ZNF335: variants seen among roughly 807,000 people sequenced by gnomAD.
ZNF335 encodes the protein zinc finger protein 335.
ZNF335 carries 84 observed loss-of-function variants against 145.6 expected under a neutral mutation model. That is an observed-to-expected ratio of 0.58 (90% CI 0.48 to 0.69). The LOEUF (loss-of-function observed/expected upper bound fraction) is 0.69, where lower values mean the gene tolerates loss of function less well. Among genes scored for constraint, ZNF335 ranks in the 30% least tolerant of loss-of-function variants. The pLI, the probability that ZNF335 is intolerant of heterozygous loss-of-function variation, is 0.00. For missense variants in ZNF335, 1,865 were observed against 1,809.7 expected, an observed-to-expected ratio of 1.03 and a Z score of -0.55; for synonymous variants, 761 against 717.0, an observed-to-expected ratio of 1.06 and a Z score of -0.98.
rs777457510 is a variant in ZNF335 at position 45,949,877 on chromosome 20, C to T, written c.3592G>A (p.Glu1198Lys). Residue 1198 changes from glutamate (E) to lysine (K), a missense_variant and splice_region_variant, in exon 24 of 28, where the codon GAG (glutamate) becomes AAG (lysine). Coordinates refer to ENST00000322927, the MANE Select transcript of ZNF335 (RefSeq NM_022095.4). ...ATCTCTTGGATGTAGGCGGCTTCCT[C>T]CTGCCAGGACCAAGACAGCTCTAGC... ...VAQEQTVTNQEEAAYIQEITT... is the reference protein window; with the variant it reads ...VAQEQTVTNQKEAAYIQEITT... 4.3e-6 allele frequency: 7 copies of T among 1,614,038 alleles called. No homozygotes were observed. Among genetic ancestry groups the T allele is most frequent in the Non-Finnish European group, 5.9e-6 (7 of 1,180,028 alleles).
At position 45,968,072 on chromosome 20, in the gene ZNF335, G is replaced by C. The variant is rs775040487; in HGVS notation, c.521-45C>G. On this transcript the variant is annotated intron_variant, in intron 4 of 27. Transcript: ENST00000322927. ...TTGGAGGGTGGTTAAATGGAGGGCA[G>C]CACTGGCCATGAGCTATAGCTACCC... The C allele has an allele frequency of 1.9e-6, 3 of 1,609,004 alleles. No individual in the cohort carries two copies. The South Asian group carries it at 3.3e-5, about 18-fold the overall frequency.
rs767541814 is a variant in ZNF335, at chr20:45,949,976, ACTGT to A, written c.3577_3580del (p.Thr1193Ter). 15 of 1,614,086 alleles carry A rather than the reference ACTGT, an allele frequency of 9.3e-6. No homozygotes were observed. Among genetic ancestry groups the A allele is most frequent in the Admixed American group, 3.3e-5 (2 of 60,020 alleles). ...AGTCCTGACTCTTACCTGATTGGTCACTGTCTGTTCCTGGGCAACGATGATGTGT... is the reference window on the plus strand; with the variant it reads ...AGTCCTGACTCTTACCTGATTGGTCACTGTTCCTGGGCAACGATGATGTGT... On this transcript the variant is annotated frameshift_variant, in exon 23 of 28. Coordinates refer to ENST00000322927, the MANE Select transcript of ZNF335 (RefSeq NM_022095.4). LOFTEE classifies it high-confidence loss of function.
chr20:45,965,249 C>T (rs1600543845), intron 7 of ZNF335, among the ~76,000 whole-genome samples: 1 of 152,048 alleles, frequency 6.6e-6, no homozygotes, highest in Admixed American at 6.5e-5. Context: ...ACGGCTGGGT[C>T]CTTTCTGTCC....
Position 45,953,736 on chromosome 20 carries a change from TG to T in ZNF335, c.2654del (p.Thr885LysfsTer30). 6.2e-7 allele frequency: 1 copy of T among 1,614,120 alleles called. No homozygotes were observed. Among genetic ancestry groups the T allele is most frequent in the Non-Finnish European group, 8.5e-7 (1 of 1,180,014 alleles). ...PFGGTGYSVI[T>X]APPMEEGTSA... is the part of the protein sequence containing the mutation. Reference sequence around the variant, plus strand: ...ATGTTCCCTCCTCCATAGGGGGTGCTGTGATGACACTGTAGCCAGTCCCACC... The same window carrying T: ...ATGTTCCCTCCTCCATAGGGGGTGCTTGATGACACTGTAGCCAGTCCCACC... On this transcript the variant is annotated frameshift_variant, in exon 18 of 28. Coordinates refer to ENST00000322927, the MANE Select transcript of ZNF335 (RefSeq NM_022095.4). LOFTEE classifies it high-confidence loss of function.
rs1490704482 is a variant in ZNF335 at position 45,960,701 on chromosome 20, A to C, written c.1697T>G (p.Val566Gly). 3.1e-6 allele frequency: 5 copies of C among 1,614,120 alleles called. No individual in the cohort carries two copies. The East Asian group carries it at 1.1e-4, about 36-fold the overall frequency. ...TPKLSSFPCPVCGRVYPMQKR... is the reference protein window; with the variant it reads ...TPKLSSFPCPGCGRVYPMQKR... ...CTGCATGGGGTACACACGGCCACAC[A>C]CAGGGCAGGGGAAAGAGCTCAGCTT... The change falls in exon 12 of 28, where the codon GTG (valine) becomes GGG (glycine). Residue 566 changes from valine to glycine, a missense_variant. By Grantham distance (109) the Val-to-Gly change is moderately radical. Transcript: ENST00000322927.
At position 45,950,249 on chromosome 20, in the gene ZNF335, TGTTCAGGATGATGG is replaced by T; in HGVS notation, c.3443_3456del (p.Thr1148LysfsTer2). Reference sequence around the variant, plus strand: ...AGGGTGGCCAGTGTTTCGTCATCACTGTTCAGGATGATGGTCTGGGTTGGGGTCTGGGTAGGGGC... The same window carrying T: ...AGGGTGGCCAGTGTTTCGTCATCACTTCTGGGTTGGGGTCTGGGTAGGGGC... On this transcript the variant is annotated frameshift_variant, in exon 22 of 28. Transcript: ENST00000322927. LOFTEE classifies it high-confidence loss of function. 4.5e-6 allele frequency: 7 copies of T among 1,546,858 alleles called. No homozygotes were observed. Among genetic ancestry groups the T allele is most frequent in the Non-Finnish European group, 6.1e-6 (7 of 1,146,732 alleles).
chr20:45,951,999 TG>T, intron 20 of ZNF335, 147 bp downstream of exon 20: 1 of 1,194,618 alleles, frequency 8.4e-7, no homozygotes, highest in Non-Finnish European at 1.1e-6. Flanking sequence ...CCCTGAGAGC[TG>T]GGACCTTGCG....
intron 9 of ZNF335, among the ~76,000 whole-genome samples, chr20:45,962,608 AC>A (rs1472094942): frequency 1.3e-5 from 2 of 152,038 alleles, no homozygotes; most frequent in African/African-American, 4.8e-5. Context: ...GCCCGGAAGT[AC>A]CCTCTCCCAC....
At chr20:45,951,565 T>TA (rs1451291693) in intron 20 of ZNF335, among the ~76,000 whole-genome samples, 2 of 152,224 alleles carry the variant, frequency 1.3e-5, no homozygotes, top group African/African-American at 4.8e-5. Context: ...AGATATTAGT[T>TA]AGATTCTTAG....
intron 9 of ZNF335, among the ~76,000 whole-genome samples, chr20:45,962,502 T>A (rs2083863081): frequency 6.6e-6 from 1 of 152,144 alleles, no homozygotes; most frequent in Non-Finnish European, 1.5e-5. Context: ...AGCCTCCACC[T>A]CTCCCACTGC....
intron 2 of ZNF335, among the ~76,000 whole-genome samples, chr20:45,970,662 G>A (rs1247821497): frequency 2.0e-5 from 3 of 151,800 alleles, no homozygotes; most frequent in African/African-American, 7.3e-5. Context: ...TTGAAAGCAA[G>A]TATTTCTGCT....
At chr20:45,960,913 G>C (rs1289424094) in intron 10 of ZNF335, 31 bp from the exon 11 acceptor site, 1 of 1,612,562 alleles carries the variant, frequency 6.2e-7, no homozygotes, top group East Asian at 2.2e-5. Context: ...AATTAGACCA[G>C]AGCTTCCCCA....
chr20:45,957,447 A>G, intron 17 of ZNF335, 139 bp downstream of exon 17: 1 of 757,830 alleles, frequency 1.3e-6, no homozygotes, highest in African/African-American at 1.7e-5. Flanking sequence ...AGACTTCAGC[A>G]GATCTGTCTC....
At chr20:45,960,389 G>A in intron 13 of ZNF335, 21 bp from the exon 14 acceptor site, 1 of 1,614,200 alleles carries the variant, frequency 6.2e-7, no homozygotes, top group Non-Finnish European at 8.5e-7. Flanking sequence ...TTAGAGGGAG[G>A]GAAGCTCAGT....
chr20:45,953,796 G>T lies in ZNF335; in HGVS notation c.2595C>A (p.Asp865Glu), dbSNP rs41280276. 0.062 allele frequency: 100,842 copies of T among 1,614,126 alleles called. 3,647 individuals are homozygous for T. Among genetic ancestry groups the T allele is most frequent in the Non-Finnish European group, 0.075 (88,677 of 1,180,020 alleles). The change falls in exon 18 of 28, where the codon GAC becomes GAA. Residue 865 changes from aspartate (D) to glutamate (E), a missense_variant. Physicochemically the swap from Asp to Glu is conservative, Grantham distance 45 (BLOSUM62 2). Transcript: ENST00000322927. ...CAGGTGCCAGGGTGATCTGCGGTAG[G>T]TCAGGAGGGCCTAGCTGGCTCTCGG... ...AAAESQLGPP[D>E]LPQITLAPGP...
chr20:45,963,488 G>C lies in ZNF335; in HGVS notation c.1518C>G (p.Arg506=), dbSNP rs762602533. 1 of 1,611,190 alleles carries C rather than the reference G, an allele frequency of 6.2e-7. No homozygotes were observed. Among genetic ancestry groups the C allele is most frequent in the Non-Finnish European group, 8.5e-7 (1 of 1,177,686 alleles). The stretch of plus-strand genomic sequence containing the variant: ...GCTCCCGCACCTTGAGCGAGGACCA[G>C]CGGCGGGAACGATAGCTGCACTGCA... ...KCLQCSYRSR[R]WSSLKEHMFN... Residue 506 remains arginine, a synonymous_variant, in exon 9 of 28, where the codon CGC becomes CGG. Transcript: ENST00000322927.
At chr20:45,969,819 C>A in intron 2 of ZNF335, 128 bp from the exon 3 acceptor site, 1 of 1,314,428 alleles carries the variant, frequency 7.6e-7, no homozygotes, top group Non-Finnish European at 1.0e-6. Context: ...CACTCATGCC[C>A]TCAGCCCCAC....
intron 17 of ZNF335, among the ~76,000 whole-genome samples, chr20:45,954,770 C>CTTTTTTTTTTTTTTTTTTTTTTT (rs10577924): frequency 1.1e-5 from 1 of 90,164 alleles, no homozygotes; most frequent in African/African-American, 4.2e-5. Context: ...CATACAATTA[C>CTTTTTTTTTTTTTTTTTTTTTTT]TTTTTTTTTT....
chr20:45,954,580 T>C (rs1198442268), intron 17 of ZNF335, among the ~76,000 whole-genome samples: 2 of 151,688 alleles, frequency 1.3e-5, no homozygotes, highest in Non-Finnish European at 2.9e-5. Context: ...AACAAAGAAA[T>C]TGGGGTTGGG....
Sources: gnomAD v4.1 joint callset for allele counts (sites outside exome capture counted in the v4.1 genomes callset) on GRCh38, gnomAD v4.1.1 for gene constraint, MANE v1.5 for transcripts, NCBI Gene and HGNC (gene_info 2026-07-23, HGNC 2026-07-21) for gene names.